The following EYS variants were observed in gnomAD, a reference collection of about 807,000 sequenced individuals.
EYS encodes the protein EGF-like photoreceptor maintenance factor, also known as protein eyes shut homolog.
Under a neutral mutation model 282.1 loss-of-function variants are expected in EYS, and 250 were observed. The ratio of observed to expected loss-of-function variants is 0.89; its 90% CI spans 0.80 to 0.98. The LOEUF is 0.98. Ranked by LOEUF, EYS falls within the 50% of genes least tolerant of loss-of-function variation. The pLI is 0.00. For synonymous variants in EYS, 1,355 were observed against 1,282.9 expected, an observed-to-expected ratio of 1.06 and a Z score of -1.20; for missense variants, 4,016 against 3,709.0, an observed-to-expected ratio of 1.08 and a Z score of -2.15.
chr6:64,918,461 G>A (rs927729640), intron 15 of EYS, among the ~76,000 whole-genome samples: 6 of 152,198 alleles, frequency 3.9e-5, no homozygotes, highest in Admixed American at 6.5e-5. Flanking sequence ...TTGTTTGTTC[G>A]TTTGTTTGTT....
chr6:64,968,768 T>C (rs528414738), intron 14 of EYS, among the ~76,000 whole-genome samples: 1 of 152,300 alleles, frequency 6.6e-6, no homozygotes, highest in South Asian at 2.1e-4. Flanking sequence ...GCTGAGGCTC[T>C]CTTAGCCCCA....
At chr6:64,395,420 G>A (rs1773327223) in intron 28 of EYS, among the ~76,000 whole-genome samples, 1 of 152,160 alleles carries the variant, frequency 6.6e-6, no homozygotes, top group Non-Finnish European at 1.5e-5. Flanking sequence ...AAGAAAATGT[G>A]TCACATATAC....
intron 15 of EYS, among the ~76,000 whole-genome samples, chr6:64,938,989 T>C (rs184383730): frequency 6.6e-6 from 1 of 151,858 alleles, no homozygotes; most frequent in African/African-American, 2.4e-5. Context: ...TTGTATGGTG[T>C]GTTAATTATG....
chr6:65,203,413 C>G (rs1038691664), intron 12 of EYS, among the ~76,000 whole-genome samples: 1 of 151,968 alleles, frequency 6.6e-6, no homozygotes, highest in Non-Finnish European at 1.5e-5. Context: ...ATATTGCTAC[C>G]ACAACCCACA....
intron 29 of EYS, among the ~76,000 whole-genome samples, chr6:64,372,130 G>GTGTTTT (rs1772394526): frequency 1.0e-5 from 1 of 97,738 alleles, no homozygotes. Context: ...GTATACTTGT[G>GTGTTTT]TTTTTTTTTT....
chr6:65,696,922 CA>C (rs1769476885), intron 1 of EYS, among the ~76,000 whole-genome samples: 1 of 151,954 alleles, frequency 6.6e-6, no homozygotes, highest in Non-Finnish European at 1.5e-5. Context: ...TATCGAATAG[CA>C]TATGTCTTCA....
chr6:63,730,759 T>C (rs1404389759), intron 41 of EYS, among the ~76,000 whole-genome samples: 1 of 152,132 alleles, frequency 6.6e-6, no homozygotes, highest in Admixed American at 6.5e-5. Flanking sequence ...TGGTGGCTCA[T>C]GCCTGTAATC....
At position 65,263,703 on chromosome 6, in the gene EYS, C is replaced by CTGTGTGTGTGTGTGTG. The variant is rs3042394; in HGVS notation, c.2023+32144_2023+32159dup. On this transcript the variant is annotated intron_variant, in intron 12 of 42. Coordinates refer to ENST00000503581, the MANE Select transcript of EYS (RefSeq NM_001142800.2). ...CCTAAAAAGCAAAAACAAGGCAAAG[C>CTGTGTGTGTGTGTGTG]TGTGTGTGTGTGTGTGTGTGTGTGT... 9.4e-3 allele frequency among the ~76,000 whole-genome samples: 1,328 copies of CTGTGTGTGTGTGTGTG among 141,366 alleles called. 13 individuals carry two copies. The highest frequency in any genetic ancestry group is 0.016 in the African/African-American group (607 of 38,568). The allele number at this position is 141,366 out of a possible 152,430, so 92.7% of individuals were successfully genotyped here. A position where few individuals can be genotyped will look rare whatever the true frequency, so the allele number is the denominator to read the frequency against.
rs188339090 is a variant in EYS, at chr6:64,027,941, C to T, written c.6726-28758G>A. ...GCACAGCCTTCTCATTGTTAATCTCCTGTCCTGGACGACTGTCCTCAAGGT... is the reference window on the plus strand; with the variant it reads ...GCACAGCCTTCTCATTGTTAATCTCTTGTCCTGGACGACTGTCCTCAAGGT... On this transcript the variant is annotated intron_variant, in intron 33 of 42. Transcript: ENST00000503581. 7.6e-4 allele frequency among the ~76,000 whole-genome samples: 116 copies of T among 152,314 alleles called. No homozygotes were observed. In the Middle Eastern group the frequency reaches 0.01, roughly 13 times the overall value.
chr6:64,493,308 C>A (rs1216176845), intron 26 of EYS, among the ~76,000 whole-genome samples: 2 of 151,444 alleles, frequency 1.3e-5, no homozygotes, highest in South Asian at 2.1e-4. Context: ...TCTAGCAAGA[C>A]TTTCCAGAGC....
At position 65,491,087 on chromosome 6, in the gene EYS, T is replaced by C. The variant is rs557593885; in HGVS notation, c.749-380A>G. Among the ~76,000 whole-genome samples the C allele has an allele frequency of 2.6e-5, 4 of 152,256 alleles. No individual in the cohort carries two copies. In the South Asian group the frequency reaches 6.2e-4, roughly 24 times the overall value. ...TAATTTACAAAATGACACATTCAAATGTGTACTGTTTCTCAGACTTACCCC... is the reference window on the plus strand; with the variant it reads ...TAATTTACAAAATGACACATTCAAACGTGTACTGTTTCTCAGACTTACCCC... On this transcript the variant is annotated intron_variant, in intron 4 of 42. Coordinates refer to ENST00000503581, the MANE Select transcript of EYS (RefSeq NM_001142800.2).
At chr6:65,556,416 T>TGTGTGTGTGTGTGA (rs1425264054) in intron 2 of EYS, among the ~76,000 whole-genome samples, 1 of 151,890 alleles carries the variant, frequency 6.6e-6, no homozygotes, top group Non-Finnish European at 1.5e-5. Flanking sequence ...TGTGTATGTG[T>TGTGTGTGTGTGTGA]GACTAAGAGA....
intron 22 of EYS, among the ~76,000 whole-genome samples, chr6:64,709,649 T>C (rs1028922830): frequency 4.6e-5 from 7 of 152,208 alleles, no homozygotes; most frequent in Admixed American, 1.3e-4. Context: ...GTAAATTGTA[T>C]AGTCCATTAA....
At chr6:65,174,248 T>C (rs2150229227) in intron 12 of EYS, among the ~76,000 whole-genome samples, 2 of 151,444 alleles carry the variant, frequency 1.3e-5, no homozygotes, top group East Asian at 3.9e-4. Context: ...CACTCCACAT[T>C]ACATTTATAT....
At chr6:64,651,454 A>G (rs988281598) in intron 22 of EYS, among the ~76,000 whole-genome samples, 3 of 152,188 alleles carry the variant, frequency 2.0e-5, no homozygotes, top group African/African-American at 7.2e-5. Flanking sequence ...GAGGGAAGAG[A>G]GAATATGAAA....
intron 29 of EYS, among the ~76,000 whole-genome samples, chr6:64,324,624 T>C (rs1004062644): frequency 2.6e-5 from 4 of 152,088 alleles, no homozygotes; most frequent in East Asian, 1.9e-4. Context: ...GCCACAGTAA[T>C]CAGGCAACAG....
intron 26 of EYS, among the ~76,000 whole-genome samples, chr6:64,484,852 T>C (rs1006943588): frequency 2.0e-5 from 3 of 151,592 alleles, no homozygotes; most frequent in South Asian, 4.2e-4. Flanking sequence ...ACAACACATC[T>C]TCAAGGACAT....
chr6:65,519,891 AT>A (rs34941445), intron 2 of EYS, among the ~76,000 whole-genome samples: 37,301 of 133,386 alleles, frequency 0.28, 6,843 homozygotes, highest in African/African-American at 0.54. Flanking sequence ...TAATTTTTCT[AT>A]TTTTTTTTTT....
At chr6:65,491,428 A>G (rs913034456) in intron 4 of EYS, 3 of 313,640 alleles carry the variant, frequency 9.6e-6, no homozygotes, top group South Asian at 5.7e-5. Context: ...AACCAACTGC[A>G]TGTAATTTGG....
Sources: gnomAD v4.1 joint callset for allele counts (sites outside exome capture counted in the v4.1 genomes callset) on GRCh38, gnomAD v4.1.1 for gene constraint, MANE v1.5 for transcripts, NCBI Gene and HGNC (gene_info 2026-07-23, HGNC 2026-07-21) for gene names.